MDFIC: variants seen among roughly 807,000 people sequenced by gnomAD.
MDFIC encodes myoD family inhibitor domain-containing protein.
MDFIC carries 17 observed loss-of-function variants against 23.2 expected under a neutral mutation model. The observed-to-expected ratio is 0.73, with a 90% CI of 0.50 to 1.10. The LOEUF (loss-of-function observed/expected upper bound fraction) is 1.10, where lower values mean the gene tolerates loss of function less well. Ranked by LOEUF, MDFIC falls within the 50% of genes least tolerant of loss-of-function variation. The probability of loss-of-function intolerance (pLI) is 0.00; values close to 1 mark genes in which losing one functional copy is unlikely to be tolerated. For missense variants in MDFIC, 356 were observed against 316.6 expected (o/e 1.12, Z -0.95); for synonymous variants, 120 against 115.2 (o/e 1.04, Z -0.27).
intron 3 of MDFIC, among the ~76,000 whole-genome samples, chr7:114,965,383 A>G (rs1220682540): frequency 3.9e-5 from 6 of 152,134 alleles, no homozygotes; most frequent in Admixed American, 2.0e-4. Flanking sequence ...ATGTAAACAC[A>G]TTTTGTTTTT....
Position 115,015,948 on chromosome 7 carries a change from T to A in MDFIC, c.*13T>A. 6.2e-7 allele frequency: 1 copy of A among 1,607,876 alleles called. No homozygotes were observed. Among genetic ancestry groups the A allele is most frequent in the East Asian group, 2.2e-5 (1 of 44,794 alleles). ...TTTTCCTTCATAAATATTTATCTTT[T>A]GTTTGTGTTAAAACTGGAGAGTGTT... On this transcript the variant is annotated 3_prime_UTR_variant, in exon 5 of 5. Coordinates refer to ENST00000393486, the MANE Select transcript of MDFIC (RefSeq NM_001166345.3).
At chr7:115,001,979 A>T (rs1216959636) in intron 4 of MDFIC, among the ~76,000 whole-genome samples, 1 of 152,114 alleles carries the variant, frequency 6.6e-6, no homozygotes. Flanking sequence ...TGTACTAAAA[A>T]TACAAAAATT....
At chr7:114,948,137 GAT>G (rs898865675) in intron 3 of MDFIC, among the ~76,000 whole-genome samples, 1 of 152,158 alleles carries the variant, frequency 6.6e-6, no homozygotes, top group Non-Finnish European at 1.5e-5. Context: ...GGAGGGAAGA[GAT>G]GCTTTACCTA....
At chr7:114,932,319 A>G (rs993304468) in intron 2 of MDFIC, among the ~76,000 whole-genome samples, 1 of 152,148 alleles carries the variant, frequency 6.6e-6, no homozygotes, top group Non-Finnish European at 1.5e-5. Context: ...GTGGGTGTGG[A>G]AAAGAAACTA....
At chr7:114,967,173 G>A (rs1292887448) in intron 3 of MDFIC, among the ~76,000 whole-genome samples, 1 of 152,270 alleles carries the variant, frequency 6.6e-6, no homozygotes, top group East Asian at 1.9e-4. Flanking sequence ...ATTTTGTTCA[G>A]ATGCACAAAA....
intron 4 of MDFIC, among the ~76,000 whole-genome samples, chr7:115,008,796 C>A (rs1480755740): frequency 6.6e-6 from 1 of 152,196 alleles, no homozygotes; most frequent in African/African-American, 2.4e-5. Flanking sequence ...TTCAGGATAA[C>A]CACAGCCTGC....
chr7:114,953,068 G>T (rs926636436), intron 3 of MDFIC, among the ~76,000 whole-genome samples: 1 of 151,964 alleles, frequency 6.6e-6, no homozygotes, highest in Admixed American at 6.6e-5. Context: ...CTTACCAAAT[G>T]GTTTTGTGTA....
At chr7:114,981,776 A>T (rs1793421496) in intron 4 of MDFIC, among the ~76,000 whole-genome samples, 1 of 152,198 alleles carries the variant, frequency 6.6e-6, no homozygotes, top group African/African-American at 2.4e-5. Flanking sequence ...TTGATTGTCC[A>T]TATTTTTCTC....
chr7:115,019,037 G>C lies in MDFIC; in HGVS notation c.*3102G>C, dbSNP rs1380939055. On this transcript the variant is annotated 3_prime_UTR_variant, in exon 5 of 5. Transcript: ENST00000393486. The stretch of plus-strand genomic sequence containing the variant: ...TTTTTTTTTTACATCGTTTTAGTAA[G>C]TTAATTTCATTTATTTACTTTGGAG... 6.6e-6 allele frequency: 1 copy of C among 151,322 alleles called. No individual in the cohort carries two copies. Among genetic ancestry groups the C allele is most frequent in the Non-Finnish European group, 1.5e-5 (1 of 67,780 alleles). The allele number at this position is 151,322 out of a possible 1,614,324, so 9.4% of individuals were successfully genotyped here.
chr7:115,017,244 T>G lies in MDFIC; in HGVS notation c.*1309T>G, dbSNP rs1791813720. ...AAATATGCATTTTCTTACACATAATTTAAATGTTATCATACTTTTTTGATG... is the reference window on the plus strand; with the variant it reads ...AAATATGCATTTTCTTACACATAATGTAAATGTTATCATACTTTTTTGATG... On this transcript the variant is annotated 3_prime_UTR_variant, in exon 5 of 5. Transcript: ENST00000393486. The G allele has an allele frequency of 1.3e-5, 2 of 152,196 alleles. No homozygotes were observed. The highest frequency in any genetic ancestry group is 6.5e-5 in the Admixed American group (1 of 15,274). The allele number at this position is 152,196 out of a possible 1,614,324, so 9.4% of individuals were successfully genotyped here. A position where few individuals can be genotyped will look rare whatever the true frequency, so the allele number is the denominator to read the frequency against.
At chr7:114,950,554 C>T (rs944917559) in intron 3 of MDFIC, among the ~76,000 whole-genome samples, 1 of 151,932 alleles carries the variant, frequency 6.6e-6, no homozygotes, top group African/African-American at 2.4e-5. Flanking sequence ...AGAAATAAAA[C>T]AGGTATAGAT....
At chr7:114,942,508 T>C in intron 3 of MDFIC, 111 bp downstream of exon 3, 1 of 851,158 alleles carries the variant, frequency 1.2e-6, no homozygotes, top group South Asian at 2.7e-5. Flanking sequence ...TCAACAGCGT[T>C]TATCTAAAAG....
At chr7:114,923,503 G>A (rs1232973698) in intron 2 of MDFIC, 8 of 1,537,736 alleles carry the variant, frequency 5.2e-6, no homozygotes, top group Non-Finnish European at 7.0e-6. Context: ...CTGAACAAGC[G>A]TGCACTTACT....
chr7:114,960,665 TAA>T (rs1792973032), intron 3 of MDFIC, among the ~76,000 whole-genome samples: 1 of 152,232 alleles, frequency 6.6e-6, no homozygotes, highest in Non-Finnish European at 1.5e-5. Flanking sequence ...TCAGATTTAA[TAA>T]GTGTTAACAT....
intron 3 of MDFIC, among the ~76,000 whole-genome samples, chr7:114,972,609 T>A (rs1406279685): frequency 2.6e-5 from 4 of 152,100 alleles, no homozygotes; most frequent in African/African-American, 9.7e-5. Context: ...GTAAAGATTG[T>A]CAACTTTCTT....
intron 4 of MDFIC, among the ~76,000 whole-genome samples, chr7:114,982,916 A>G (rs1006095188): frequency 2.0e-5 from 3 of 152,194 alleles, no homozygotes; most frequent in African/African-American, 7.2e-5. Flanking sequence ...GAAGCGCAAG[A>G]GATCAAAAAC....
Position 114,922,364 on chromosome 7 carries a change from G to T in MDFIC, c.-380G>T, listed in dbSNP as rs1792097113. The T allele has an allele frequency of 2.5e-6, 3 of 1,193,294 alleles. No homozygotes were observed. Among genetic ancestry groups the T allele is most frequent in the South Asian group, 4.2e-5 (1 of 23,532 alleles). 73.9% of individuals were successfully genotyped at this position (1,193,294 alleles called of 1,614,324 possible). On this transcript the variant is annotated 5_prime_UTR_variant, in exon 1 of 5. Coordinates refer to ENST00000393486, the MANE Select transcript of MDFIC (RefSeq NM_001166345.3). ...GGAAAGAGAGGCAGAGAGGGGGAAG[G>T]CCCCCTCGCAGGGGAGCCGGCTGGA...
chr7:114,991,268 G>C (rs1159283309), intron 4 of MDFIC, among the ~76,000 whole-genome samples: 1 of 152,140 alleles, frequency 6.6e-6, no homozygotes, highest in African/African-American at 2.4e-5. Flanking sequence ...CAGATGAGTA[G>C]ATTGCAAAAA....
At chr7:114,983,898 C>T (rs1793463301) in intron 4 of MDFIC, among the ~76,000 whole-genome samples, 1 of 152,074 alleles carries the variant, frequency 6.6e-6, no homozygotes. Flanking sequence ...ACTTGCTTCT[C>T]TCACATGAAC....
Sources: allele counts gnomAD v4.1 joint callset (sites outside exome capture counted in the v4.1 genomes callset), GRCh38; gene constraint gnomAD v4.1.1; transcripts MANE v1.5; gene names NCBI Gene and HGNC (gene_info 2026-07-23, HGNC 2026-07-21).